The following SLC41A2 variants were observed in gnomAD, a reference collection of about 807,000 sequenced individuals.
SLC41A2 encodes the protein SLC41A1-like 1.
Under a neutral mutation model 58.3 loss-of-function variants are expected in SLC41A2, and 32 were observed. The ratio of observed to expected loss-of-function variants is 0.55; its 90% CI spans 0.41 to 0.74. The LOEUF (loss-of-function observed/expected upper bound fraction) is 0.74. Among genes scored for constraint, SLC41A2 ranks in the 30% least tolerant of loss-of-function variants. SLC41A2 has a pLI of 0.00. For missense variants in SLC41A2, 514 were observed against 680.6 expected (o/e 0.76, Z 2.72); for synonymous variants, 190 against 235.0 (o/e 0.81, Z 1.75).
At chr12:104,880,679 G>T (rs553686882) in intron 6 of SLC41A2, among the ~76,000 whole-genome samples, 1 of 152,258 alleles carries the variant, frequency 6.6e-6, no homozygotes, top group Non-Finnish European at 1.5e-5. Context: ...CTTGATTATG[G>T]TGGACACGCT....
intron 10 of SLC41A2, among the ~76,000 whole-genome samples, chr12:104,841,551 C>T (rs941410368): frequency 3.3e-5 from 5 of 151,632 alleles, no homozygotes; most frequent in South Asian, 2.1e-4. Flanking sequence ...TAGATAATGT[C>T]GATATAATAT....
chr12:104,948,147 G>A (rs2047802024), intron 1 of SLC41A2, among the ~76,000 whole-genome samples: 1 of 152,070 alleles, frequency 6.6e-6, no homozygotes, highest in African/African-American at 2.4e-5. Context: ...GGGAGCTAGG[G>A]ATCCCTAAAA....
intron 2 of SLC41A2, among the ~76,000 whole-genome samples, chr12:104,917,375 T>C (rs2046374215): frequency 6.6e-6 from 1 of 152,148 alleles, no homozygotes; most frequent in South Asian, 2.1e-4. Flanking sequence ...ACACTGTTGG[T>C]GGGACTGTAA....
chr12:104,805,539 A>T (rs2040862510), intron 10 of SLC41A2, among the ~76,000 whole-genome samples: 2 of 152,226 alleles, frequency 1.3e-5, no homozygotes, highest in Non-Finnish European at 2.9e-5. Flanking sequence ...TACAGGTACT[A>T]AAATTTTTCT....
At chr12:104,864,670 T>C (rs563417995) in intron 7 of SLC41A2, among the ~76,000 whole-genome samples, 2 of 152,304 alleles carry the variant, frequency 1.3e-5, no homozygotes, top group African/African-American at 4.8e-5. Flanking sequence ...CTTTGCTTCA[T>C]GGTTTGCTTT....
chr12:104,808,944 G>A lies in SLC41A2; in HGVS notation c.1537-3607C>T, dbSNP rs545154896. On this transcript the variant is annotated intron_variant, in intron 10 of 10. Transcript: ENST00000258538. ...CCCTGAAGCAGCAAAATAAATTTGGGACTAGAAAGGATAATGTTCATGGTT... is the reference window on the plus strand; with the variant it reads ...CCCTGAAGCAGCAAAATAAATTTGGAACTAGAAAGGATAATGTTCATGGTT... Among the ~76,000 whole-genome samples, 53 of 152,218 alleles carry A rather than the reference G, an allele frequency of 3.5e-4. No homozygotes were observed. In the South Asian group the frequency reaches 0.011, roughly 31 times the overall value.
chr12:104,927,365 C>T (rs530013842), intron 2 of SLC41A2, among the ~76,000 whole-genome samples: 3 of 152,184 alleles, frequency 2.0e-5, no homozygotes, highest in African/African-American at 7.2e-5. Flanking sequence ...ATCATGCACT[C>T]AGTTTAAAAT....
intron 2 of SLC41A2, among the ~76,000 whole-genome samples, chr12:104,912,320 G>A (rs1307408280): frequency 6.6e-6 from 1 of 152,144 alleles, no homozygotes; most frequent in Non-Finnish European, 1.5e-5. Flanking sequence ...TCACCAGAAA[G>A]ACCAAGGCAT....
intron 6 of SLC41A2, among the ~76,000 whole-genome samples, chr12:104,873,465 C>T (rs767692011): frequency 2.0e-5 from 3 of 152,126 alleles, no homozygotes; most frequent in African/African-American, 4.8e-5. Context: ...TCTAGACAAC[C>T]GTAAATAATG....
chr12:104,819,341 G>A (rs1465605753), intron 10 of SLC41A2, among the ~76,000 whole-genome samples: 2 of 152,246 alleles, frequency 1.3e-5, no homozygotes, highest in Admixed American at 1.3e-4. Context: ...TAAATCTTAT[G>A]TATCAAAATT....
chr12:104,804,970 C>G lies in SLC41A2; in HGVS notation c.*182G>C. 1 of 526,374 alleles carries G rather than the reference C, an allele frequency of 1.9e-6. No homozygotes were observed. The highest frequency in any genetic ancestry group is 3.4e-6 in the Non-Finnish European group (1 of 296,552). 32.6% of individuals were successfully genotyped at this position (526,374 alleles called of 1,614,324 possible). A position where few individuals can be genotyped will look rare whatever the true frequency, so the allele number is the denominator to read the frequency against. Reference sequence around the variant, plus strand: ...TTCTATGAAAAGCAGCACGAATACTCTTCATTCTGGTTTTGACACAAATTC... The same window carrying G: ...TTCTATGAAAAGCAGCACGAATACTGTTCATTCTGGTTTTGACACAAATTC... On this transcript the variant is annotated 3_prime_UTR_variant, in exon 11 of 11. Transcript: ENST00000258538.
intron 1 of SLC41A2, among the ~76,000 whole-genome samples, chr12:104,957,139 G>A (rs917010744): frequency 5.9e-5 from 9 of 152,042 alleles, no homozygotes; most frequent in African/African-American, 2.2e-4. Flanking sequence ...CAACCCAAAT[G>A]TACATCAACT....
At chr12:104,888,583 T>C (rs2044786349) in intron 5 of SLC41A2, among the ~76,000 whole-genome samples, 5 of 152,120 alleles carry the variant, frequency 3.3e-5, no homozygotes, top group Admixed American at 3.3e-4. Flanking sequence ...TATATTTGTA[T>C]TGCCACAGAA....
chr12:104,813,951 A>AAAATTG (rs1170531612), intron 10 of SLC41A2, among the ~76,000 whole-genome samples: 10 of 152,160 alleles, frequency 6.6e-5, no homozygotes, highest in African/African-American at 2.4e-4. Flanking sequence ...TGGCTGTTAA[A>AAAATTG]AAATTGAAAT....
Position 104,895,331 on chromosome 12 carries a change from C to T in SLC41A2, c.678G>A (p.Lys226=). The change falls in exon 4 of 11, where the codon AAG becomes AAA. Residue 226 remains lysine, a synonymous_variant. Transcript: ENST00000258538. ...TCCACTTTTCAATGGGTGAATCCATCTTCCCAATATTTACCTGTTAAAGTG... is the reference window on the plus strand; with the variant it reads ...TCCACTTTTCAATGGGTGAATCCATTTTCCCAATATTTACCTGTTAAAGTG... ...SRLSTAVNIG[K]MDSPIEKWNL... is the part of the protein sequence containing the mutation. The T allele has an allele frequency of 2.5e-6, 4 of 1,612,730 alleles. No individual in the cohort carries two copies. Among genetic ancestry groups the T allele is most frequent in the Non-Finnish European group, 3.4e-6 (4 of 1,179,104 alleles).
chr12:104,937,471 A>G (rs1401841634), intron 1 of SLC41A2, among the ~76,000 whole-genome samples: 1 of 152,244 alleles, frequency 6.6e-6, no homozygotes, highest in Non-Finnish European at 1.5e-5. Context: ...ACAAACCTGT[A>G]TAACACGTTA....
rs531449643 is a variant in SLC41A2 at position 104,903,464 on chromosome 12, G to T, written c.663+6191C>A. Reference sequence around the variant, plus strand: ...CACAGTGGTTTTCAAACTTCAATGTGTATCAGAATCATCTGGAGAGTGTGT... The same window carrying T: ...CACAGTGGTTTTCAAACTTCAATGTTTATCAGAATCATCTGGAGAGTGTGT... On this transcript the variant is annotated intron_variant, in intron 3 of 10. Coordinates refer to ENST00000258538, the MANE Select transcript of SLC41A2 (RefSeq NM_001352171.3). Among the ~76,000 whole-genome samples, 27 of 152,272 alleles carry T rather than the reference G, an allele frequency of 1.8e-4. 1 individual carries two copies. The South Asian group carries it at 5.6e-3, about 32-fold the overall frequency.
chr12:104,830,629 A>T (rs911535578), intron 10 of SLC41A2, among the ~76,000 whole-genome samples: 9 of 152,164 alleles, frequency 5.9e-5, no homozygotes, highest in African/African-American at 2.2e-4. Flanking sequence ...GATGATATAC[A>T]TCTCAGAGGA....
intron 8 of SLC41A2, among the ~76,000 whole-genome samples, chr12:104,853,146 A>T (rs2042862573): frequency 6.6e-6 from 1 of 152,222 alleles, no homozygotes; most frequent in South Asian, 2.1e-4. Flanking sequence ...CAGCAGGTTA[A>T]TCTAGGGACT....
Sources: allele counts gnomAD v4.1 joint callset (sites outside exome capture counted in the v4.1 genomes callset), GRCh38; gene constraint gnomAD v4.1.1; transcripts MANE v1.5; gene names NCBI Gene and HGNC (gene_info 2026-07-23, HGNC 2026-07-21).